MIA2: variants seen among roughly 807,000 people sequenced by gnomAD.
MIA2 encodes the protein MIA SH3 domain ER export factor 2, also known as melanoma inhibitory activity protein 2.
Under a neutral mutation model 167.8 loss-of-function variants are expected in MIA2, and 127 were observed. That is an observed-to-expected ratio of 0.76 (90% CI 0.66 to 0.88). The LOEUF (loss-of-function observed/expected upper bound fraction) is 0.88, where lower values mean the gene tolerates loss of function less well. Among genes scored for constraint, MIA2 ranks in the 40% least tolerant of loss-of-function variants. The probability of loss-of-function intolerance (pLI) is 0.00; values close to 1 mark genes in which losing one functional copy is unlikely to be tolerated. For synonymous variants in MIA2, 552 were observed against 541.9 expected, an observed-to-expected ratio of 1.02 and a Z score of -0.26; for missense variants, 1,690 against 1,624.7, an observed-to-expected ratio of 1.04 and a Z score of -0.69.
intron 6 of MIA2, among the ~76,000 whole-genome samples, chr14:39,273,703 C>T (rs1277530207): frequency 6.6e-6 from 1 of 151,852 alleles, no homozygotes; most frequent in Non-Finnish European, 1.5e-5. Context: ...GGTACATAAT[C>T]CTTTTTATAT....
intron 9 of MIA2, among the ~76,000 whole-genome samples, chr14:39,288,669 G>T (rs2060294081): frequency 6.6e-6 from 1 of 150,424 alleles, no homozygotes; most frequent in Non-Finnish European, 1.5e-5. Flanking sequence ...CACCATGTTG[G>T]CTAGGATGGT....
At position 39,247,463 on chromosome 14, in the gene MIA2, G is replaced by T. The variant is rs1198732042; in HGVS notation, c.889G>T (p.Glu297Ter). 2.5e-6 allele frequency: 4 copies of T among 1,613,738 alleles called. No individual in the cohort carries two copies. Among genetic ancestry groups the T allele is most frequent in the Non-Finnish European group, 3.4e-6 (4 of 1,179,932 alleles). Residue 297 changes from glutamate to a stop codon, truncating the protein, a stop_gained, in exon 4 of 29, where the codon GAG (glutamate) becomes TAG (stop). Coordinates refer to ENST00000640607, the MANE Select transcript of MIA2 (RefSeq NM_001329214.4). LOFTEE classifies it high-confidence loss of function. ...VPKTQSELAS[E>*]SEHIPKPQST... is the part of the protein sequence containing the mutation. ...AAAGACACAGTCTGAACTAGCATCT[G>T]AGTCAGAGCACATTCCCAAACCTCA...
intron 20 of MIA2, chr14:39,315,053 T>A: frequency 3.4e-6 from 1 of 298,236 alleles, no homozygotes; most frequent in Non-Finnish European, 5.9e-6. Flanking sequence ...GAAGCCGAAG[T>A]GGGTGGATCA....
chr14:39,276,928 T>A lies in MIA2; in HGVS notation c.1888-6T>A. On this transcript the variant is annotated splice_polypyrimidine_tract_variant and splice_region_variant and intron_variant, in intron 6 of 28. Transcript: ENST00000640607. ...TTTTAAGAACTTACTTTTCTTTATC[T>A]TGAAGGTTGTGGCAGCACTGCCTGA... The A allele has an allele frequency of 6.2e-7, 1 of 1,606,938 alleles. No homozygotes were observed. Among genetic ancestry groups the A allele is most frequent in the South Asian group, 1.1e-5 (1 of 89,346 alleles).
At chr14:39,375,542 A>T (rs1227708138) in intron 23 of MIA2, among the ~76,000 whole-genome samples, 3 of 152,118 alleles carry the variant, frequency 2.0e-5, no homozygotes, top group Non-Finnish European at 4.4e-5. Context: ...CTAAAAATGC[A>T]AAAAATTAGT....
intron 17 of MIA2, among the ~76,000 whole-genome samples, chr14:39,306,910 G>A (rs2152908960): frequency 6.6e-6 from 1 of 151,886 alleles, no homozygotes; most frequent in South Asian, 2.1e-4. Context: ...AGAGAAACGA[G>A]GTTTTTAAAA....
downstream of MIA2, among the ~76,000 whole-genome samples, chr14:39,352,321 T>C (rs2074410421): frequency 6.6e-6 from 1 of 152,068 alleles, no homozygotes; most frequent in Non-Finnish European, 1.5e-5. Flanking sequence ...TGCTTCTCTG[T>C]TCCATGTGAA....
chr14:39,358,735 T>G (rs992263327), intron 23 of MIA2, among the ~76,000 whole-genome samples: 18 of 152,110 alleles, frequency 1.2e-4, no homozygotes, highest in Non-Finnish European at 2.1e-4. Context: ...GTTTTGGTGT[T>G]TATGTCCTTT....
chr14:39,287,172 C>T (rs1303276996), intron 9 of MIA2, among the ~76,000 whole-genome samples: 1 of 152,186 alleles, frequency 6.6e-6, no homozygotes, highest in Non-Finnish European at 1.5e-5. Flanking sequence ...CTCCCGGGTT[C>T]AGGTGTTTCT....
chr14:39,314,707 TTAA>T (rs1252873319), intron 19 of MIA2, 29 bp from the exon 20 acceptor site: 3 of 1,572,938 alleles, frequency 1.9e-6, no homozygotes, highest in Non-Finnish European at 2.6e-6. Flanking sequence ...ATGTTATATG[TTAA>T]TAGTAGAATA....
At chr14:39,351,412 G>GAA (rs2074376248), downstream of MIA2, 1 of 149,408 alleles carries the variant, frequency 6.7e-6, no homozygotes, top group African/African-American at 2.5e-5. Flanking sequence ...AAACTAAAAA[G>GAA]AAATACTTGA....
At chr14:39,346,942 T>A (rs1446883391) in intron 26 of MIA2, 1 of 310,298 alleles carries the variant, frequency 3.2e-6, no homozygotes, top group Non-Finnish European at 6.5e-6. Flanking sequence ...ATTTTTTAAT[T>A]ATTATTTTTG....
chr14:39,279,285 T>C (rs1385659386), intron 7 of MIA2, 52 bp from the exon 8 acceptor site: 5 of 1,508,290 alleles, frequency 3.3e-6, no homozygotes, highest in Non-Finnish European at 4.5e-6. Flanking sequence ...TGAATTGATT[T>C]ACTTGAGAGC....
chr14:39,322,067 A>G (rs1344140558), intron 24 of MIA2, among the ~76,000 whole-genome samples: 4 of 152,198 alleles, frequency 2.6e-5, no homozygotes, highest in Non-Finnish European at 4.4e-5. Context: ...GTGAAACACC[A>G]TAAAATTATA....
intron 6 of MIA2, chr14:39,276,084 T>C (rs1264740569): frequency 6.6e-6 from 1 of 152,230 alleles, no homozygotes; most frequent in African/African-American, 2.4e-5. Context: ...TAAAATGGCA[T>C]TTTTCTTTTT....
At chr14:39,287,324 C>T (rs1039652508) in intron 9 of MIA2, among the ~76,000 whole-genome samples, 4 of 152,112 alleles carry the variant, frequency 2.6e-5, no homozygotes, top group Non-Finnish European at 5.9e-5. Context: ...ATCCGCTTAT[C>T]TCAGCCTCCC....
chr14:39,369,585 C>G (rs529616491), intron 23 of MIA2, among the ~76,000 whole-genome samples: 9 of 152,142 alleles, frequency 5.9e-5, no homozygotes, highest in Non-Finnish European at 1.3e-4. Flanking sequence ...CCTCTCTGCT[C>G]CTCCTCTCCT....
chr14:39,274,232 G>T (rs1417320216), intron 6 of MIA2, among the ~76,000 whole-genome samples: 1 of 152,030 alleles, frequency 6.6e-6, no homozygotes, highest in Non-Finnish European at 1.5e-5. Context: ...CAGTTTATCA[G>T]ATTACATGTA....
intron 21 of MIA2, among the ~76,000 whole-genome samples, chr14:39,316,821 C>A (rs1046890832): frequency 6.6e-6 from 1 of 152,124 alleles, no homozygotes; most frequent in African/African-American, 2.4e-5. Context: ...ACACACAGTC[C>A]CAGGGTAAGA....
Sources: gnomAD v4.1 joint callset for allele counts (sites outside exome capture counted in the v4.1 genomes callset) on GRCh38, gnomAD v4.1.1 for gene constraint, MANE v1.5 for transcripts, NCBI Gene and HGNC (gene_info 2026-07-23, HGNC 2026-07-21) for gene names.